Variants in PI4KA observed in about 807,000 individuals in gnomAD.
PI4KA encodes the protein PI4-kinase alpha.
Under a neutral mutation model 271.4 loss-of-function variants are expected in PI4KA, and 122 were observed. The ratio of observed to expected loss-of-function variants is 0.45; its 90% CI spans 0.39 to 0.52. The LOEUF (loss-of-function observed/expected upper bound fraction) is 0.52, where lower values mean the gene tolerates loss of function less well. Among genes scored for constraint, PI4KA ranks in the 20% least tolerant of loss-of-function variants. The pLI, the probability that PI4KA is intolerant of heterozygous loss-of-function variation, is 0.00. For synonymous variants in PI4KA, 1,041 were observed against 1,078.8 expected, an observed-to-expected ratio of 0.96 and a Z score of 0.69; for missense variants, 1,969 against 2,769.1, an observed-to-expected ratio of 0.71 and a Z score of 6.48.
chr22:20,781,027 C>T (rs1430571434), intron 19 of PI4KA, among the ~76,000 whole-genome samples: 1 of 152,144 alleles, frequency 6.6e-6, no homozygotes, highest in Non-Finnish European at 1.5e-5. Context: ...GAGCAGCTGA[C>T]ATTGACACCT....
intron 3 of PI4KA, among the ~76,000 whole-genome samples, chr22:20,832,013 T>C (rs1924241967): frequency 6.6e-6 from 1 of 152,182 alleles, no homozygotes; most frequent in Non-Finnish European, 1.5e-5. Flanking sequence ...AGGTGTTCAT[T>C]CTTTATTTTC....
intron 10 of PI4KA, among the ~76,000 whole-genome samples, chr22:20,806,650 C>T (rs556428875): frequency 2.0e-4 from 31 of 151,780 alleles, no homozygotes; most frequent in East Asian, 5.8e-4. Context: ...CCAGCCTGGG[C>T]GACAGGGAAA....
rs375974524 is a variant in PI4KA at position 20,726,583 on chromosome 22, G to C, written c.4942-42C>G. 1.1e-5 allele frequency: 17 copies of C among 1,547,050 alleles called. No homozygotes were observed. In the African/African-American group the frequency reaches 2.2e-4, roughly 20 times the overall value. Reference sequence around the variant, plus strand: ...GAGTTGGCCATGACTTCTGAGAGCAGAGCCACCCAACCCTACGGCCCAGGC... The same window carrying C: ...GAGTTGGCCATGACTTCTGAGAGCACAGCCACCCAACCCTACGGCCCAGGC... On this transcript the variant is annotated intron_variant, in intron 41 of 54. Transcript: ENST00000255882.
rs373812400 is a variant in PI4KA at position 20,786,003 on chromosome 22, G to C, written c.2328+7190C>G. 5.0e-6 allele frequency: 8 copies of C among 1,613,950 alleles called. No individual in the cohort carries two copies. The African/African-American group carries it at 9.4e-5, about 19-fold the overall frequency. ...GGGCCCCCCTTTCCTTTTCTGTCTA[G>C]AACTCGAGAAGTGCTTCTGCCGAAA... On this transcript the variant is annotated intron_variant, in intron 19 of 54. Transcript: ENST00000255882.
intron 1 of PI4KA, among the ~76,000 whole-genome samples, chr22:20,843,382 C>T (rs1172706268): frequency 3.3e-5 from 5 of 151,432 alleles, no homozygotes; most frequent in African/African-American, 4.9e-5. Context: ...CCTAGATGCT[C>T]GGGGATCCGA....
At chr22:20,819,548 G>A in intron 6 of PI4KA, 93 bp downstream of exon 6, 1 of 1,192,852 alleles carries the variant, frequency 8.4e-7, no homozygotes, top group South Asian at 1.5e-5. Context: ...CGTTACTTAA[G>A]TTTACTCCAA....
chr22:20,720,024 T>TC (rs1243243258), intron 43 of PI4KA, among the ~76,000 whole-genome samples: 2 of 51,858 alleles, frequency 3.9e-5, no homozygotes, highest in African/African-American at 2.0e-4. Context: ...AGACTCTGTC[T>TC]CAAAAAAAAA....
intron 1 of PI4KA, among the ~76,000 whole-genome samples, chr22:20,853,079 T>C (rs746382816): frequency 2.6e-5 from 4 of 152,162 alleles, no homozygotes; most frequent in Non-Finnish European, 5.9e-5. Flanking sequence ...TCTATTTTCT[T>C]TCAAAAACCA....
At chr22:20,779,297 C>T in intron 19 of PI4KA, 1 of 1,614,098 alleles carries the variant, frequency 6.2e-7, no homozygotes, top group Non-Finnish European at 8.5e-7. Context: ...TCCCTCCCAG[C>T]TTTAGCTCCG....
At position 20,729,318 on chromosome 22, in the gene PI4KA, A is replaced by G; in HGVS notation, c.4677T>C (p.Pro1559=). The G allele has an allele frequency of 1.2e-6, 2 of 1,612,742 alleles. No individual in the cohort carries two copies. Among genetic ancestry groups the G allele is most frequent in the Non-Finnish European group, 1.7e-6 (2 of 1,179,286 alleles). Residue 1559 remains proline (P), a synonymous_variant, in exon 39 of 55, where the codon CCT becomes CCC. Coordinates refer to ENST00000255882, the MANE Select transcript of PI4KA (RefSeq NM_058004.4). ...SISPYLAVQL[P]ARFKNTEAIG... Reference sequence around the variant, plus strand: ...TGTGGTGCCCGGGGGCCCACCTGGCAGGCAGCTGCACGGCTAGGTAGGGAG... The same window carrying G: ...TGTGGTGCCCGGGGGCCCACCTGGCGGGCAGCTGCACGGCTAGGTAGGGAG...
intron 1 of PI4KA, among the ~76,000 whole-genome samples, chr22:20,858,367 C>T (rs1374538097): frequency 6.6e-6 from 1 of 151,798 alleles, no homozygotes; most frequent in African/African-American, 2.4e-5. Context: ...CCCGCCGACC[C>T]TTCCCCCACG....
At chr22:20,824,780 A>ACACACAC (rs879648415) in intron 3 of PI4KA, among the ~76,000 whole-genome samples, 1 of 135,934 alleles carries the variant, frequency 7.4e-6, no homozygotes, top group Non-Finnish European at 1.6e-5. Context: ...ACACACACAC[A>ACACACAC]AAACACTCGG....
chr22:20,711,304 G>A lies in PI4KA; in HGVS notation c.5923+37C>T, dbSNP rs751559807. ...CCCTATCCACCCCTGGGTGCCAGGG[G>A]TGAAGGGAGAGGAGGGTGGCGCTGT... On this transcript the variant is annotated intron_variant, in intron 51 of 54. Coordinates refer to ENST00000255882, the MANE Select transcript of PI4KA (RefSeq NM_058004.4). The A allele has an allele frequency of 2.3e-6, 3 of 1,328,598 alleles. 1 individual carries two copies. Among genetic ancestry groups the A allele is most frequent in the African/African-American group, 1.9e-5 (1 of 52,320 alleles). 82.3% of individuals were successfully genotyped at this position (1,328,598 alleles called of 1,614,324 possible).
chr22:20,744,929 T>C (rs540012882), intron 29 of PI4KA, among the ~76,000 whole-genome samples: 1 of 151,448 alleles, frequency 6.6e-6, no homozygotes, highest in East Asian at 1.9e-4. Context: ...AAAAAAAAAG[T>C]CTCTGGAAGG....
chr22:20,853,232 T>C (rs1569104476), intron 1 of PI4KA, among the ~76,000 whole-genome samples: 1 of 152,170 alleles, frequency 6.6e-6, no homozygotes, highest in South Asian at 2.1e-4. Flanking sequence ...GAATGCTATC[T>C]ACTTTGCAGC....
intron 19 of PI4KA, 73 bp from the exon 20 acceptor site, chr22:20,765,766 C>A (rs1932467313): frequency 3.2e-6 from 3 of 935,180 alleles, no homozygotes; most frequent in Non-Finnish European, 5.3e-6. Context: ...GGTGTAAAAT[C>A]AACCACAGAT....
chr22:20,810,297 G>C (rs1310949946), intron 9 of PI4KA, among the ~76,000 whole-genome samples: 1 of 152,106 alleles, frequency 6.6e-6, no homozygotes, highest in African/African-American at 2.4e-5. Flanking sequence ...ACGAGGTCAG[G>C]AGATTGAGAC....
chr22:20,739,993 C>T (rs1315428771), intron 32 of PI4KA, among the ~76,000 whole-genome samples: 1 of 127,268 alleles, frequency 7.9e-6, no homozygotes, highest in African/African-American at 3.0e-5. Flanking sequence ...ACCCACGAGG[C>T]GGAGGTTGCA....
At chr22:20,823,275 G>C (rs1601573850) in intron 4 of PI4KA, among the ~76,000 whole-genome samples, 1 of 69,354 alleles carries the variant, frequency 1.4e-5, no homozygotes, top group Non-Finnish European at 2.8e-5. Context: ...TCTTTATTCT[G>C]ATAAATTTTA....
Sources: gnomAD v4.1 joint callset for allele counts (sites outside exome capture counted in the v4.1 genomes callset) on GRCh38, gnomAD v4.1.1 for gene constraint, MANE v1.5 for transcripts, NCBI Gene and HGNC (gene_info 2026-07-23, HGNC 2026-07-21) for gene names.